UBE3C: variants seen among roughly 807,000 people sequenced by gnomAD.
UBE3C encodes ubiquitin protein ligase E3C.
Under a neutral mutation model 129.4 loss-of-function variants are expected in UBE3C, and 42 were observed. The observed-to-expected ratio is 0.32, with a 90% CI of 0.25 to 0.42. The LOEUF (loss-of-function observed/expected upper bound fraction) is 0.42, where lower values mean the gene tolerates loss of function less well. Among genes scored for constraint, UBE3C ranks in the 10% least tolerant of loss-of-function variants. The pLI, the probability that UBE3C is intolerant of heterozygous loss-of-function variation, is 1.00. For missense variants in UBE3C, 1,049 were observed against 1,319.1 expected (o/e 0.80, Z 3.17); for synonymous variants, 510 against 492.4 (o/e 1.04, Z -0.47).
At chr7:157,214,974 T>A (rs1809694359) in intron 13 of UBE3C, among the ~76,000 whole-genome samples, 1 of 152,138 alleles carries the variant, frequency 6.6e-6, no homozygotes, top group African/African-American at 2.4e-5. Flanking sequence ...GAGTCAAGGG[T>A]CAAGGAATAG....
intron 4 of UBE3C, among the ~76,000 whole-genome samples, chr7:157,174,203 A>G (rs902942512): frequency 6.6e-6 from 1 of 152,126 alleles, no homozygotes; most frequent in Non-Finnish European, 1.5e-5. Flanking sequence ...CCCTACTAAA[A>G]ATATAAAAAT....
chr7:157,242,514 GTT>G (rs33913991), intron 18 of UBE3C, among the ~76,000 whole-genome samples: 7 of 112,108 alleles, frequency 6.2e-5, no homozygotes, highest in South Asian at 2.9e-4. Context: ...AGCCTGAGTT[GTT>G]TTTTTTTTTT....
chr7:157,187,071 C>A (rs1300581462), intron 10 of UBE3C, 50 bp downstream of exon 10: 19 of 1,520,222 alleles, frequency 1.2e-5, no homozygotes, highest in Non-Finnish European at 1.6e-5. Context: ...AGAGAACATA[C>A]CTTCCTCCCT....
intron 12 of UBE3C, 27 bp from the exon 13 acceptor site, chr7:157,207,676 A>G: frequency 6.2e-7 from 1 of 1,601,572 alleles, no homozygotes; most frequent in Non-Finnish European, 8.5e-7. Flanking sequence ...AAAAAGAAAC[A>G]ATAGAAAACT....
At chr7:157,195,383 CA>C (rs1809089367) in intron 10 of UBE3C, among the ~76,000 whole-genome samples, 1 of 152,154 alleles carries the variant, frequency 6.6e-6, no homozygotes, top group Non-Finnish European at 1.5e-5. Flanking sequence ...TACTCAGCTG[CA>C]AACATGTGCT....
At chr7:157,187,950 A>G (rs985896599) in intron 10 of UBE3C, among the ~76,000 whole-genome samples, 10 of 152,206 alleles carry the variant, frequency 6.6e-5, no homozygotes, top group Non-Finnish European at 1.5e-4. Flanking sequence ...TCAGCCTTTG[A>G]AATAAACTTT....
At chr7:157,153,483 T>G (rs913646481) in intron 1 of UBE3C, among the ~76,000 whole-genome samples, 23 of 152,034 alleles carry the variant, frequency 1.5e-4, no homozygotes, top group Admixed American at 1.5e-3. Flanking sequence ...TTTAACAGAG[T>G]CCAGGTCTCA....
rs147376489 is a variant in UBE3C at position 157,144,546 on chromosome 7, T to C, written c.66+5208T>C. Among the ~76,000 whole-genome samples the C allele has an allele frequency of 1.9e-3, 293 of 152,106 alleles. 2 individuals are homozygous for C. The highest frequency in any genetic ancestry group is 6.5e-3 in the African/African-American group (268 of 41,488). On this transcript the variant is annotated intron_variant, in intron 1 of 22. Coordinates refer to ENST00000348165, the MANE Select transcript of UBE3C (RefSeq NM_014671.3). ...GAGTGGGAGCAGGCAATGGGAAATA[T>C]TTTGAGACTTAAAGAAGCTAGGGAT... is the stretch of plus-strand genomic sequence containing the variant.
chr7:157,208,716 A>G (rs1418272680), intron 13 of UBE3C, among the ~76,000 whole-genome samples: 4 of 152,240 alleles, frequency 2.6e-5, no homozygotes, highest in Non-Finnish European at 5.9e-5. Context: ...GTTCTTAACC[A>G]GAAAGTGAAG....
chr7:157,171,680 ATATATATTTTTTTTTTTTTTTTTTTTTT>A (rs1808374436), intron 4 of UBE3C, among the ~76,000 whole-genome samples: 2 of 32,816 alleles, frequency 6.1e-5, no homozygotes, highest in Non-Finnish European at 1.3e-4. Flanking sequence ...ATATATATAT[ATATATATTTTTTTTTTTTTTTTTTTTTT>A]TTTTTTTTTT....
chr7:157,208,564 A>G (rs1809504610), intron 13 of UBE3C, among the ~76,000 whole-genome samples: 2 of 152,184 alleles, frequency 1.3e-5, no homozygotes, highest in African/African-American at 4.8e-5. Context: ...ATATAAATAC[A>G]GTTTTTAAAA....
chr7:157,151,241 C>G (rs529867283), intron 1 of UBE3C, among the ~76,000 whole-genome samples: 1 of 152,224 alleles, frequency 6.6e-6, no homozygotes, highest in Non-Finnish European at 1.5e-5. Flanking sequence ...AAAACAAATA[C>G]GCTGTGTTTT....
chr7:157,257,006 G>A lies in UBE3C; in HGVS notation c.3043G>A (p.Val1015Ile), dbSNP rs1364552188. 3 of 1,614,048 alleles carry A rather than the reference G, an allele frequency of 1.9e-6. No individual in the cohort carries two copies. The highest frequency in any genetic ancestry group is 2.2e-5 in the South Asian group (2 of 91,082). Residue 1015 changes from valine to isoleucine, a missense_variant, in exon 22 of 23, where the codon GTA becomes ATA. Val to Ile is a conservative substitution (Grantham distance 29). Transcript: ENST00000348165. ...AGAAAAGCGCAAACTGCTGAAGTTT[G>A]TAACAAGCTGCTCTCGACCCCCTCT... is the stretch of plus-strand genomic sequence containing the variant. Reference protein sequence around the residue: ...DEEKRKLLKFVTSCSRPPLLG... With the variant: ...DEEKRKLLKFITSCSRPPLLG...
At chr7:157,192,335 C>G in intron 10 of UBE3C, 1 of 560,336 alleles carries the variant, frequency 1.8e-6, no homozygotes, top group South Asian at 1.6e-5. Flanking sequence ...GCTTCCTTTT[C>G]GATCCGCCAT....
At chr7:157,238,138 A>G (rs1470882792) in intron 18 of UBE3C, among the ~76,000 whole-genome samples, 2 of 152,248 alleles carry the variant, frequency 1.3e-5, no homozygotes, top group African/African-American at 4.8e-5. Flanking sequence ...ATGTAACTTT[A>G]TGAAATAAAA....
chr7:157,199,339 A>G (rs1274239643), intron 10 of UBE3C, among the ~76,000 whole-genome samples: 5 of 152,182 alleles, frequency 3.3e-5, no homozygotes, highest in Admixed American at 3.3e-4. Context: ...AAAAAACGTT[A>G]ACACTCTTAT....
Position 157,267,899 on chromosome 7 carries a change from C to A in UBE3C, c.*144C>A. ...CATTCTGCCATTCCTCCCTCCCTTC[C>A]TTTTTTAAATGATTTTTATTACGGT... is the stretch of plus-strand genomic sequence containing the variant. On this transcript the variant is annotated 3_prime_UTR_variant, in exon 23 of 23. Coordinates refer to ENST00000348165, the MANE Select transcript of UBE3C (RefSeq NM_014671.3). 1.6e-6 allele frequency: 1 copy of A among 627,106 alleles called. No individual in the cohort carries two copies. The highest frequency in any genetic ancestry group is 2.5e-6 in the Non-Finnish European group (1 of 395,408). 38.8% of individuals were successfully genotyped at this position (627,106 alleles called of 1,614,324 possible).
At chr7:157,189,391 ATT>A (rs201467396) in intron 10 of UBE3C, 1,795 of 154,818 alleles carry the variant, frequency 0.012, 27 homozygotes, top group South Asian at 0.046. Flanking sequence ...ATGATTAAAT[ATT>A]CACTGGCTAT....
intron 18 of UBE3C, among the ~76,000 whole-genome samples, chr7:157,233,482 GT>G (rs1392369762): frequency 1.3e-5 from 2 of 152,182 alleles, no homozygotes; most frequent in East Asian, 3.9e-4. Flanking sequence ...GTCTTGCCAT[GT>G]TGCCCAGGCT....
Sources: allele counts gnomAD v4.1 joint callset (sites outside exome capture counted in the v4.1 genomes callset), GRCh38; gene constraint gnomAD v4.1.1; transcripts MANE v1.5; gene names NCBI Gene and HGNC (gene_info 2026-07-23, HGNC 2026-07-21).